Variants in CCDC39 observed in about 807,000 individuals in gnomAD.
CCDC39 encodes coiled-coil domain-containing protein 39.
Under a neutral mutation model 121.0 loss-of-function variants are expected in CCDC39, and 113 were observed. The observed-to-expected ratio is 0.93, with a 90% CI of 0.80 to 1.09. The LOEUF is 1.09. CCDC39 is among the 50% of genes least tolerant of loss of function. CCDC39 has a pLI of 0.00. For synonymous variants in CCDC39, 349 were observed against 352.2 expected, an observed-to-expected ratio of 0.99 and a Z score of 0.10; for missense variants, 1,063 against 1,074.7, an observed-to-expected ratio of 0.99 and a Z score of 0.15.
intron 1 of CCDC39, among the ~76,000 whole-genome samples, chr3:180,677,168 T>TATATATA (rs1712247237): frequency 1.4e-4 from 5 of 35,176 alleles, no homozygotes; most frequent in South Asian, 1.2e-3. Context: ...AATAATAATT[T>TATATATA]TATATATATA....
At chr3:180,630,858 C>T (rs780010773) in intron 14 of CCDC39, among the ~76,000 whole-genome samples, 6 of 152,194 alleles carry the variant, frequency 3.9e-5, no homozygotes, top group Non-Finnish European at 8.8e-5. Flanking sequence ...GGGAAGCAGC[C>T]CTCTTCCTCT....
chr3:180,615,094 A>C lies in CCDC39; in HGVS notation c.2670-17T>G, dbSNP rs571692210. ...CTAGATGACCTAGAAGAAAAACCAG[A>C]ATTATAAATTCAATGCAAAGTTTAT... On this transcript the variant is annotated splice_polypyrimidine_tract_variant and intron_variant, in intron 19 of 19. Transcript: ENST00000476379. The C allele has an allele frequency of 2.7e-6, 4 of 1,506,268 alleles. No individual in the cohort carries two copies. In the African/African-American group the frequency reaches 5.7e-5, roughly 21 times the overall value. The allele number at this position is 1,506,268 out of a possible 1,614,324, so 93.3% of individuals were successfully genotyped here.
intron 1 of CCDC39, among the ~76,000 whole-genome samples, chr3:180,665,267 A>C (rs1394503650): frequency 6.6e-6 from 1 of 152,214 alleles, no homozygotes; most frequent in East Asian, 1.9e-4. Context: ...GTAAATGTTA[A>C]ACAAAATAAA....
chr3:180,665,456 T>C (rs917813100), intron 1 of CCDC39, among the ~76,000 whole-genome samples: 11 of 152,196 alleles, frequency 7.2e-5, no homozygotes, highest in East Asian at 1.9e-4. Flanking sequence ...AAAGGAAATA[T>C]TAGAATTTCA....
intron 1 of CCDC39, among the ~76,000 whole-genome samples, chr3:180,676,732 G>A (rs1288400327): frequency 6.6e-6 from 1 of 152,112 alleles, no homozygotes; most frequent in East Asian, 1.9e-4. Flanking sequence ...CAAAGACTTG[G>A]AACCAACCCA....
chr3:180,630,537 A>T (rs1223975134), intron 14 of CCDC39, among the ~76,000 whole-genome samples: 2 of 152,116 alleles, frequency 1.3e-5, no homozygotes, highest in South Asian at 2.1e-4. Flanking sequence ...CTGGAAGATG[A>T]TCTCACCCCT....
rs897699523 is a variant in CCDC39 at position 180,679,481 on chromosome 3, G to T, written c.-101C>A. The stretch of plus-strand genomic sequence containing the variant: ...GCCCAGGCACCTGCACAGTGCCGCG[G>T]CAATTGCCGGGGGAGCCCTAGCAAC... On this transcript the variant is annotated 5_prime_UTR_variant, in exon 1 of 20. Coordinates refer to ENST00000476379, the MANE Select transcript of CCDC39 (RefSeq NM_181426.2). The surrounding 1 kb of genome is among the most constrained non-coding windows in gnomAD (Gnocchi z 4.0). 1.8e-6 allele frequency: 2 copies of T among 1,118,602 alleles called. No homozygotes were observed. The highest frequency in any genetic ancestry group is 1.5e-5 in the African/African-American group (1 of 64,930). The allele number at this position is 1,118,602 out of a possible 1,614,324, so 69.3% of individuals were successfully genotyped here.
intron 1 of CCDC39, among the ~76,000 whole-genome samples, chr3:180,673,049 G>A (rs982179571): frequency 6.6e-6 from 1 of 152,190 alleles, no homozygotes; most frequent in African/African-American, 2.4e-5. Context: ...TGACTGAATT[G>A]CTGCAATTTT....
At chr3:180,624,997 C>T (rs1449283302) in intron 14 of CCDC39, among the ~76,000 whole-genome samples, 2 of 152,000 alleles carry the variant, frequency 1.3e-5, no homozygotes, top group African/African-American at 2.4e-5. Context: ...TACAATACAC[C>T]ATGATGAGGT....
At chr3:180,615,221 C>T (rs1209223524) in intron 19 of CCDC39, 144 bp from the exon 20 acceptor site, 1 of 568,358 alleles carries the variant, frequency 1.8e-6, no homozygotes, top group East Asian at 3.2e-5. Context: ...TTTAAATGAC[C>T]ATCAATAGAT....
chr3:180,622,855 A>C lies in CCDC39; in HGVS notation c.1999-2885T>G, dbSNP rs377451881. Among the ~76,000 whole-genome samples, 101 of 152,070 alleles carry C rather than the reference A, an allele frequency of 6.6e-4. 1 individual carries two copies. The South Asian group carries it at 0.011, about 17-fold the overall frequency. On this transcript the variant is annotated intron_variant, in intron 14 of 19. Coordinates refer to ENST00000476379, the MANE Select transcript of CCDC39 (RefSeq NM_181426.2). Reference sequence around the variant, plus strand: ...ATTTTTGTGTCTGTGGTCTATGTTCATCAGGAATATTGATTTATCGTTTTC... The same window carrying C: ...ATTTTTGTGTCTGTGGTCTATGTTCCTCAGGAATATTGATTTATCGTTTTC...
In CCDC39 at chr3:180,641,973, GT is replaced by G; in HGVS notation, c.1874+19del. The G allele has an allele frequency of 6.5e-7, 1 of 1,536,196 alleles. No homozygotes were observed. On this transcript the variant is annotated intron_variant, in intron 13 of 19. Transcript: ENST00000476379. ...ATCCTGTTTTTTTAATTCCTCAGCAGTTTTAAAACTGAAAATTACCTTATGT... is the reference window on the plus strand; with the variant it reads ...ATCCTGTTTTTTTAATTCCTCAGCAGTTTAAAACTGAAAATTACCTTATGT...
intron 11 of CCDC39, among the ~76,000 whole-genome samples, 173 bp downstream of exon 11, chr3:180,646,906 A>G (rs1053537150): frequency 1.3e-5 from 2 of 152,142 alleles, no homozygotes; most frequent in African/African-American, 4.8e-5. Context: ...TAAATGCATC[A>G]TCAATGGTAA....
chr3:180,676,914 C>A (rs1712227307), intron 1 of CCDC39, among the ~76,000 whole-genome samples: 1 of 151,486 alleles, frequency 6.6e-6, no homozygotes, highest in African/African-American at 2.4e-5. Context: ...CCAAACACTG[C>A]ATGTTCTCAC....
intron 1 of CCDC39, among the ~76,000 whole-genome samples, chr3:180,678,656 C>A (rs1252546593): frequency 6.6e-6 from 1 of 150,848 alleles, no homozygotes; most frequent in Non-Finnish European, 1.5e-5. Context: ...GCCCGGCCTG[C>A]AATTTTTTTT....
intron 14 of CCDC39, among the ~76,000 whole-genome samples, chr3:180,625,580 C>G (rs1717540254): frequency 6.6e-6 from 1 of 152,000 alleles, no homozygotes; most frequent in Non-Finnish European, 1.5e-5. Context: ...TTCCTGTGTC[C>G]TTCCATTGAT....
chr3:180,650,883 A>G (rs560410836), intron 9 of CCDC39, among the ~76,000 whole-genome samples: 24 of 151,852 alleles, frequency 1.6e-4, no homozygotes, highest in African/African-American at 5.1e-4. Flanking sequence ...ATAAAATAAA[A>G]AATAAATACA....
intron 14 of CCDC39, among the ~76,000 whole-genome samples, chr3:180,630,617 AT>A (rs1369577453): frequency 6.6e-6 from 1 of 152,106 alleles, no homozygotes; most frequent in Non-Finnish European, 1.5e-5. Flanking sequence ...ATTTTGAGTA[AT>A]TTCCTAGACC....
At chr3:180,658,345 C>T (rs1376005709) in intron 6 of CCDC39, among the ~76,000 whole-genome samples, 1 of 151,620 alleles carries the variant, frequency 6.6e-6, no homozygotes, top group Non-Finnish European at 1.5e-5. Context: ...TCTGTAATCC[C>T]AGCACTTTGG....
Sources: gnomAD v4.1 joint callset for allele counts (sites outside exome capture counted in the v4.1 genomes callset) on GRCh38, gnomAD v4.1.1 for gene constraint, Gnocchi (gnomAD v3.1) non-coding constraint, MANE v1.5 for transcripts, NCBI Gene and HGNC (gene_info 2026-07-23, HGNC 2026-07-21) for gene names.